Variants in ACADM observed in about 807,000 individuals in gnomAD.
ACADM encodes medium-chain specific acyl-CoA dehydrogenase, mitochondrial.
Under a neutral mutation model 58.9 loss-of-function variants are expected in ACADM, and 49 were observed. That is an observed-to-expected ratio of 0.83 (90% CI 0.66 to 1.06). The LOEUF is 1.06. ACADM is among the 50% of genes least tolerant of loss of function. The pLI, the probability that ACADM is intolerant of heterozygous loss-of-function variation, is 0.00. For missense variants in ACADM, 496 were observed against 507.0 expected (o/e 0.98, Z 0.21); for synonymous variants, 160 against 157.7 (o/e 1.01, Z -0.11).
chr1:75,756,424 C>CAT (rs1553126366), intron 10 of ACADM, among the ~76,000 whole-genome samples: 1 of 151,314 alleles, frequency 6.6e-6, no homozygotes, highest in Non-Finnish European at 1.5e-5. Context: ...ACCAACAACA[C>CAT]ACAGAGAGCC....
At chr1:75,744,462 C>T in intron 7 of ACADM, 2 of 1,531,620 alleles carry the variant, frequency 1.3e-6, no homozygotes, top group Non-Finnish European at 1.8e-6. Flanking sequence ...CAGTTTCAAT[C>T]TCACAAACCA....
intron 2 of ACADM, among the ~76,000 whole-genome samples, chr1:75,729,284 C>CTTT (rs1647105645): frequency 1.4e-5 from 1 of 70,926 alleles, no homozygotes; most frequent in African/African-American, 5.7e-5. Flanking sequence ...CTTTTTCTTT[C>CTTT]TTTCTTTTTT....
chr1:75,730,646 A>G (rs1323170408), intron 2 of ACADM, among the ~76,000 whole-genome samples: 1 of 151,470 alleles, frequency 6.6e-6, no homozygotes, highest in Non-Finnish European at 1.5e-5. Context: ...CTTCCTGAGC[A>G]GTTAGGACAA....
At chr1:75,733,126 A>G (rs1453877622) in intron 4 of ACADM, 3 of 1,612,762 alleles carry the variant, frequency 1.9e-6, no homozygotes, top group South Asian at 1.1e-5. Flanking sequence ...ACTGGTTCCA[A>G]CCTTAACTTG....
intron 10 of ACADM, among the ~76,000 whole-genome samples, chr1:75,757,554 C>T (rs186976566): frequency 2.0e-5 from 3 of 152,250 alleles, no homozygotes; most frequent in South Asian, 2.1e-4. Context: ...AGTCAGGAAA[C>T]AACAGGTGCT....
intron 6 of ACADM, among the ~76,000 whole-genome samples, chr1:75,739,107 T>C (rs1401926467): frequency 6.6e-6 from 1 of 152,212 alleles, no homozygotes; most frequent in Non-Finnish European, 1.5e-5. Flanking sequence ...CTTATCTTAG[T>C]GTCATAGCAT....
chr1:75,758,783 C>T (rs1191361444), intron 10 of ACADM, among the ~76,000 whole-genome samples: 1 of 152,152 alleles, frequency 6.6e-6, no homozygotes, highest in Non-Finnish European at 1.5e-5. Flanking sequence ...ATTGTAAATG[C>T]ACCAGTCAGC....
intron 10 of ACADM, among the ~76,000 whole-genome samples, chr1:75,757,830 A>C (rs1648594902): frequency 6.6e-6 from 1 of 152,204 alleles, no homozygotes; most frequent in South Asian, 2.1e-4. Context: ...TAGTTCTGAC[A>C]CTACCTACCC....
chr1:75,738,794 G>A (rs1168808330), intron 6 of ACADM, among the ~76,000 whole-genome samples: 1 of 150,468 alleles, frequency 6.6e-6, no homozygotes, highest in Non-Finnish European at 1.5e-5. Context: ...CAAGTAACTT[G>A]TTTCTTTAGT....
At position 75,762,796 on chromosome 1, in the gene ACADM, A is replaced by G. The variant is rs1330454057; in HGVS notation, c.*33A>G. 1.4e-5 allele frequency: 19 copies of G among 1,317,362 alleles called. No homozygotes were observed. Among genetic ancestry groups the G allele is most frequent in the Admixed American group, 3.5e-5 (2 of 57,898 alleles). The allele number at this position is 1,317,362 out of a possible 1,614,324, so 81.6% of individuals were successfully genotyped here. On this transcript the variant is annotated 3_prime_UTR_variant, in exon 12 of 12. Transcript: ENST00000370841. ...ACTGTAGAAATATTGAATAACTAGA[A>G]CACAAGCCACTGTTTCAGCTCCAGA... is the stretch of plus-strand genomic sequence containing the variant.
chr1:75,744,380 T>C (rs543186378), intron 7 of ACADM: 1 of 1,553,666 alleles, frequency 6.4e-7, no homozygotes, highest in South Asian at 1.1e-5. Context: ...CCTTCGACTT[T>C]TCCCCCATCA....
At chr1:75,746,515 G>A (rs1647908457) in intron 8 of ACADM, among the ~76,000 whole-genome samples, 1 of 151,550 alleles carries the variant, frequency 6.6e-6, no homozygotes, top group Non-Finnish European at 1.5e-5. Flanking sequence ...GTAGACTAAA[G>A]AGAAAAGAGT....
chr1:75,745,616 G>C, intron 7 of ACADM, 190 bp from the exon 8 acceptor site: 1 of 610,688 alleles, frequency 1.6e-6, no homozygotes, highest in Non-Finnish European at 2.9e-6. Flanking sequence ...TTAAGACATA[G>C]ACCTCAAATA....
At chr1:75,742,026 G>T (rs1050178124) in intron 7 of ACADM, among the ~76,000 whole-genome samples, 1 of 152,080 alleles carries the variant, frequency 6.6e-6, no homozygotes, top group African/African-American at 2.4e-5. Context: ...TTATTTTTTT[G>T]AGAACATCTG....
At chr1:75,737,281 TA>T (rs142958761) in intron 6 of ACADM, among the ~76,000 whole-genome samples, 504 of 19,826 alleles carry the variant, frequency 0.025, 23 homozygotes, top group African/African-American at 0.055. Flanking sequence ...CACACACAAA[TA>T]TATATATATA....
Position 75,732,840 on chromosome 1 carries a change from C to CT in ACADM, c.217-8dup. On this transcript the variant is annotated splice_polypyrimidine_tract_variant and intron_variant, in intron 3 of 11. Transcript: ENST00000370841. ...TTTCAAAATATATTTTAACTCAGTT[C>CT]TTTTTCTTCTAGTATCCAGTCCCCC... 6.2e-7 allele frequency: 1 copy of CT among 1,611,960 alleles called. No individual in the cohort carries two copies. The highest frequency in any genetic ancestry group is 8.5e-7 in the Non-Finnish European group (1 of 1,178,138).
chr1:75,745,955 T>C (rs1357995231), intron 8 of ACADM, 41 bp downstream of exon 8: 1 of 1,411,080 alleles, frequency 7.1e-7, no homozygotes, highest in African/African-American at 1.4e-5. Flanking sequence ...AATATTATTT[T>C]AATTATAAAT....
intron 11 of ACADM, chr1:75,761,603 C>T (rs1256034211): frequency 7.6e-6 from 4 of 523,274 alleles, no homozygotes; most frequent in South Asian, 2.3e-5. Flanking sequence ...ATGTGTATTA[C>T]GTTTGGATTA....
chr1:75,748,965 G>A (rs898713558), intron 8 of ACADM, among the ~76,000 whole-genome samples: 1 of 152,124 alleles, frequency 6.6e-6, no homozygotes, highest in African/African-American at 2.4e-5. Context: ...AAGATTAAAG[G>A]TCTCAAATCA....
Sources: gnomAD v4.1 joint callset for allele counts (sites outside exome capture counted in the v4.1 genomes callset) on GRCh38, gnomAD v4.1.1 for gene constraint, MANE v1.5 for transcripts, NCBI Gene and HGNC (gene_info 2026-07-23, HGNC 2026-07-21) for gene names.